The following GRIK5 variants were observed in gnomAD, a reference collection of about 807,000 sequenced individuals.
GRIK5 encodes the protein glutamate ionotropic receptor kainate type subunit 5.
Under a neutral mutation model 97.4 loss-of-function variants are expected in GRIK5, and 43 were observed. The ratio of observed to expected loss-of-function variants is 0.44; its 90% confidence interval spans 0.35 to 0.57. The LOEUF (loss-of-function observed/expected upper bound fraction) is 0.57, where lower values mean the gene tolerates loss of function less well. Among genes scored for constraint, GRIK5 ranks in the 20% least tolerant of loss-of-function variants. The pLI, the probability that GRIK5 is intolerant of heterozygous loss-of-function variation, is 0.01. For missense variants in GRIK5, 1,015 were observed against 1,382.0 expected (o/e 0.73, Z 4.21); for synonymous variants, 580 against 583.5 (o/e 0.99, Z 0.09).
chr19:42,062,932 C>T lies in GRIK5; in HGVS notation c.245-77G>A. ...CCTTCCCCATCCCTCAGGGAGCCGC[C>T]ATGGCCCAGGAGAGGATCAGACACT... On this transcript the variant is annotated intron_variant, in intron 3 of 19. Coordinates refer to ENST00000593562, the MANE Select transcript of GRIK5 (RefSeq NM_002088.5). This position sits in a 1 kb window ranked among gnomAD's most constrained non-coding sequence, Gnocchi z 5.3. 1 of 1,108,138 alleles carries T rather than the reference C, an allele frequency of 9.0e-7. No individual in the cohort carries two copies. The highest frequency in any genetic ancestry group is 1.4e-6 in the Non-Finnish European group (1 of 729,362). 68.6% of individuals were successfully genotyped at this position (1,108,138 alleles called of 1,614,324 possible).
chr19:41,999,442 C>T lies in GRIK5; in HGVS notation c.2515-143G>A. The T allele has an allele frequency of 1.6e-6, 1 of 612,190 alleles. No individual in the cohort carries two copies. Among genetic ancestry groups the T allele is most frequent in the East Asian group, 3.3e-5 (1 of 29,950 alleles). 37.9% of individuals were successfully genotyped at this position (612,190 alleles called of 1,614,324 possible). ...CCTCGCTTCCCTTCCCACTTCTCTT[C>T]CCTTTATCTCCCCCGTGTTTTCTGC... On this transcript the variant is annotated intron_variant, in intron 19 of 19. Transcript: ENST00000593562. The surrounding 1 kb of genome is among the most constrained non-coding windows in gnomAD (Gnocchi z 5.0).
intron 15 of GRIK5, among the ~76,000 whole-genome samples, chr19:42,019,461 A>T (rs1308556522): frequency 6.6e-6 from 1 of 152,230 alleles, no homozygotes; most frequent in African/African-American, 2.4e-5. Context: ...GGAAAATATT[A>T]GTACATTTCA....
chr19:42,029,257 G>A (rs1024426519), intron 12 of GRIK5, among the ~76,000 whole-genome samples: 2 of 151,628 alleles, frequency 1.3e-5, no homozygotes, highest in Non-Finnish European at 2.9e-5. Context: ...TAGTAGAGAC[G>A]GCGTTTCACC....
intron 15 of GRIK5, among the ~76,000 whole-genome samples, chr19:42,007,550 C>T (rs1271764842): frequency 2.6e-5 from 4 of 152,058 alleles, no homozygotes; most frequent in African/African-American, 9.7e-5. Flanking sequence ...GTTGCAGAGA[C>T]GGAGACTGGT....
chr19:42,008,369 G>A (rs1334260940), intron 15 of GRIK5, among the ~76,000 whole-genome samples: 1 of 151,850 alleles, frequency 6.6e-6, no homozygotes, highest in Non-Finnish European at 1.5e-5. Context: ...GCTCACACCT[G>A]TAATCCCAGC....
chr19:42,066,947 A>C (rs1041978978), intron 1 of GRIK5, among the ~76,000 whole-genome samples: 7 of 152,118 alleles, frequency 4.6e-5, no homozygotes, highest in African/African-American at 1.4e-4. Flanking sequence ...TACTGGGGAG[A>C]AGAAGTAAAG....
intron 1 of GRIK5, among the ~76,000 whole-genome samples, chr19:42,066,533 A>G (rs545149182): frequency 3.9e-5 from 6 of 152,116 alleles, no homozygotes; most frequent in Non-Finnish European, 7.4e-5. Context: ...AGAGAGGCTT[A>G]GAGAAGGGAA....
At chr19:42,041,718 C>T (rs1363659139) in intron 12 of GRIK5, among the ~76,000 whole-genome samples, 1 of 152,172 alleles carries the variant, frequency 6.6e-6, no homozygotes, top group Admixed American at 6.5e-5. Context: ...ATCCCACTCC[C>T]TAGTATCGCC....
At chr19:42,001,986 C>T (rs1223090346) in intron 19 of GRIK5, 13 of 611,270 alleles carry the variant, frequency 2.1e-5, no homozygotes, top group Middle Eastern at 3.5e-4. Context: ...AGAAACCCAA[C>T]GAGGGAGCCT....
chr19:42,043,694 C>T (rs1181720001), intron 11 of GRIK5, among the ~76,000 whole-genome samples: 1 of 151,710 alleles, frequency 6.6e-6, no homozygotes, highest in Non-Finnish European at 1.5e-5. Flanking sequence ...TGAGCCATCG[C>T]ACCTGGCCCA....
rs114833641 is a variant in GRIK5 at position 42,021,863 on chromosome 19, C to T, written c.1697+84G>A. 6.6e-3 allele frequency: 5,618 copies of T among 847,338 alleles called. 191 individuals are homozygous for T. In the African/African-American group the frequency reaches 0.083, roughly 13 times the overall value. The allele number at this position is 847,338 out of a possible 1,614,324, so 52.5% of individuals were successfully genotyped here. On this transcript the variant is annotated intron_variant, in intron 14 of 19. Coordinates refer to ENST00000593562, the MANE Select transcript of GRIK5 (RefSeq NM_002088.5). This position sits in a 1 kb window ranked among gnomAD's most constrained non-coding sequence, Gnocchi z 4.2. ...CCAAAGGGGAGGCCAAGGACAGTTC[C>T]GAGAGAGAAGAGGCAGGTCGGTCCC...
Position 42,062,674 on chromosome 19 carries a change from G to A in GRIK5, c.343-21C>T. ...GGGATCTGGACAGAGAGGAAACTTT[G>A]GCCTCCATCCTGCTTCTCCGCCCAG... On this transcript the variant is annotated intron_variant, in intron 4 of 19. Transcript: ENST00000593562. This position sits in a 1 kb window ranked among gnomAD's most constrained non-coding sequence, Gnocchi z 5.3. 6.2e-7 allele frequency: 1 copy of A among 1,613,822 alleles called. No homozygotes were observed.
chr19:42,065,495 G>A lies in GRIK5; in HGVS notation c.80-108C>T. The stretch of plus-strand genomic sequence containing the variant: ...GGTGAGGTGGGTATACGGACCAGGG[G>A]TCTAGACACCTGGATCTGAGGTTGG... On this transcript the variant is annotated intron_variant, in intron 2 of 19. Coordinates refer to ENST00000593562, the MANE Select transcript of GRIK5 (RefSeq NM_002088.5). The surrounding 1 kb of genome is among the most constrained non-coding windows in gnomAD (Gnocchi z 5.8). 1.7e-6 allele frequency: 2 copies of A among 1,190,692 alleles called. No individual in the cohort carries two copies. The highest frequency in any genetic ancestry group is 2.3e-6 in the Non-Finnish European group (2 of 858,672). The allele number at this position is 1,190,692 out of a possible 1,614,324, so 73.8% of individuals were successfully genotyped here.
rs782193037 is a variant in GRIK5, at chr19:42,003,404, G to A, written c.2442C>T (p.Gly814=). ...IGGIFIVLIC[G]LIIAVFVAVM... ...CCGCCACGAAGACAGCAATGATGAG[G>A]CCACAGATGAGCACGATAAAAATGC... Residue 814 remains glycine, a synonymous_variant, in exon 19 of 20, where the codon GGC becomes GGT. Transcript: ENST00000593562. This position sits in a 1 kb window ranked among gnomAD's most constrained non-coding sequence, Gnocchi z 4.2. 1.2e-5 allele frequency: 19 copies of A among 1,613,378 alleles called. No individual in the cohort carries two copies. Among genetic ancestry groups the A allele is most frequent in the Non-Finnish European group, 1.5e-5 (18 of 1,179,520 alleles).
chr19:41,999,285 C>T lies in GRIK5; in HGVS notation c.2529G>A (p.Gln843=). Residue 843 remains glutamine, a synonymous_variant, in exon 20 of 20, where the codon CAG becomes CAA. Transcript: ENST00000593562. This position sits in a 1 kb window ranked among gnomAD's most constrained non-coding sequence, Gnocchi z 5.0. ...CGTGGCGCAGCTCCTGCAGCATCTC[C>T]TGGCACACCGACACCTGGGGGTGGC... ...SAESEEVSVC[Q]EMLQELRHAV... The T allele has an allele frequency of 6.6e-7, 1 of 1,521,916 alleles. No individual in the cohort carries two copies. The highest frequency in any genetic ancestry group is 8.8e-7 in the Non-Finnish European group (1 of 1,141,578). 94.3% of individuals were successfully genotyped at this position (1,521,916 alleles called of 1,614,324 possible).
intron 5 of GRIK5, 117 bp from the exon 6 acceptor site, chr19:42,059,644 C>G: frequency 1.2e-6 from 1 of 842,806 alleles, no homozygotes; most frequent in Non-Finnish European, 1.8e-6. Flanking sequence ...TGTGCAAGGA[C>G]ATGGGGCAGC....
intron 15 of GRIK5, among the ~76,000 whole-genome samples, chr19:42,017,932 A>G (rs921728522): frequency 1.3e-5 from 2 of 152,062 alleles, no homozygotes; most frequent in African/African-American, 4.8e-5. Context: ...CAGAGAATGG[A>G]AACAGGGAGG....
rs886609175 is a variant in GRIK5, at chr19:42,035,280, C to T, written c.1473+7272G>A. Reference sequence around the variant, plus strand: ...ATAGGCGTGAGTCACTGCGCCTGGCCTAAACGTAGCTGTTTTTAAAGATGA... The same window carrying T: ...ATAGGCGTGAGTCACTGCGCCTGGCTTAAACGTAGCTGTTTTTAAAGATGA... On this transcript the variant is annotated intron_variant, in intron 12 of 19. Transcript: ENST00000593562. 7.2e-5 allele frequency among the ~76,000 whole-genome samples: 11 copies of T among 152,158 alleles called. No individual in the cohort carries two copies. The Middle Eastern group carries it at 0.014, about 188-fold the overall frequency.
rs61741187 is a variant in GRIK5 at position 42,056,663 on chromosome 19, G to A, written c.902C>T (p.Ala301Val). ...GTGACTGGGTATCTGTGTGCTCACCGCAGGGCCCAGGTAGGTGCTGGCTTC... is the reference window on the plus strand; with the variant it reads ...GTGACTGGGTATCTGTGTGCTCACCACAGGGCCCAGGTAGGTGCTGGCTTC... ...NCEASTYLGP[A>V]LSAALMFDAV... The change falls in exon 8 of 20, where the codon GCG becomes GTG. Residue 301 changes from alanine (A) to valine (V), a missense_variant and splice_region_variant. Transcript: ENST00000593562. The A allele has an allele frequency of 4.0e-5, 65 of 1,613,474 alleles. No homozygotes were observed. In the South Asian group the frequency reaches 4.8e-4, roughly 12 times the overall value.
Sources: gnomAD v4.1 joint callset for allele counts (sites outside exome capture counted in the v4.1 genomes callset) on GRCh38, gnomAD v4.1.1 for gene constraint, Gnocchi (gnomAD v3.1) non-coding constraint, MANE v1.5 for transcripts, NCBI Gene and HGNC (gene_info 2026-07-23, HGNC 2026-07-21) for gene names.